The following ATRNL1 variants were observed in gnomAD, a reference collection of about 807,000 sequenced individuals.
The protein encoded by ATRNL1 is attractin-like protein 1.
A neutral mutation model predicts 182.7 loss-of-function variants in ATRNL1; 95 were observed. The ratio of observed to expected loss-of-function variants is 0.52; its 90% CI spans 0.44 to 0.62. The LOEUF (loss-of-function observed/expected upper bound fraction) is 0.62. ATRNL1 is among the 20% of genes least tolerant of loss of function. The pLI, the probability that ATRNL1 is intolerant of heterozygous loss-of-function variation, is 0.00. For missense variants in ATRNL1, 1,471 were observed against 1,679.5 expected (o/e 0.88, Z 2.17); for synonymous variants, 576 against 568.3 (o/e 1.01, Z -0.19).
At chr10:115,240,798 T>G (rs1479724590) in intron 9 of ATRNL1, among the ~76,000 whole-genome samples, 1 of 152,076 alleles carries the variant, frequency 6.6e-6, no homozygotes, top group African/African-American at 2.4e-5. Context: ...TTTATAATAT[T>G]TTCTCTCAGA....
chr10:115,882,972 T>G (rs1951860856), intron 28 of ATRNL1, among the ~76,000 whole-genome samples: 1 of 152,214 alleles, frequency 6.6e-6, no homozygotes, highest in Admixed American at 6.5e-5. Context: ...TTGCCCATGT[T>G]CTCTGCCCAT....
At chr10:115,397,433 C>T (rs2134289755) in intron 20 of ATRNL1, among the ~76,000 whole-genome samples, 1 of 152,012 alleles carries the variant, frequency 6.6e-6, no homozygotes, top group South Asian at 2.1e-4. Context: ...CTCTTCATAT[C>T]TGTTAATTTC....
At chr10:115,653,042 A>G (rs1860111594) in intron 26 of ATRNL1, among the ~76,000 whole-genome samples, 1 of 152,132 alleles carries the variant, frequency 6.6e-6, no homozygotes, top group Admixed American at 6.6e-5. Context: ...TACAACTCTT[A>G]AACTGTAAAC....
intron 28 of ATRNL1, among the ~76,000 whole-genome samples, chr10:115,879,027 GT>G (rs1201511819): frequency 2.0e-5 from 3 of 151,088 alleles, no homozygotes; most frequent in Non-Finnish European, 4.4e-5. Context: ...TGTTAAAAAG[GT>G]TTATGTATGT....
At chr10:115,891,585 C>G (rs1038271525) in intron 28 of ATRNL1, among the ~76,000 whole-genome samples, 1 of 152,172 alleles carries the variant, frequency 6.6e-6, no homozygotes, top group African/African-American at 2.4e-5. Flanking sequence ...AGTTACTCCT[C>G]TGTCCTGGAT....
chr10:115,477,695 A>G (rs1848595470), intron 24 of ATRNL1, among the ~76,000 whole-genome samples: 1 of 151,678 alleles, frequency 6.6e-6, no homozygotes, highest in South Asian at 2.1e-4. Context: ...ATCAAAAGTC[A>G]ACAAATACTC....
chr10:115,878,936 A>C (rs993575012), intron 28 of ATRNL1, among the ~76,000 whole-genome samples: 23 of 152,170 alleles, frequency 1.5e-4, no homozygotes, highest in Non-Finnish European at 3.4e-4. Context: ...AAAGATGAAA[A>C]TGTGTAGGCA....
intron 27 of ATRNL1, among the ~76,000 whole-genome samples, chr10:115,766,018 C>G (rs1301663343): frequency 6.6e-6 from 1 of 152,040 alleles, no homozygotes; most frequent in Non-Finnish European, 1.5e-5. Context: ...ATCTAACATA[C>G]TATGTATTTT....
intron 19 of ATRNL1, among the ~76,000 whole-genome samples, chr10:115,382,692 CTT>C (rs34063669): frequency 0.014 from 1,629 of 114,238 alleles, 29 homozygotes; most frequent in African/African-American, 0.045. Context: ...CTGTTCTTTG[CTT>C]TTTTTTTTTT....
chr10:115,263,996 C>T lies in ATRNL1; in HGVS notation c.1688-1197C>T, dbSNP rs375773786. On this transcript the variant is annotated intron_variant, in intron 10 of 28. Coordinates refer to ENST00000355044, the MANE Select transcript of ATRNL1 (RefSeq NM_207303.4). ...TAAAAAGACAGATTATACACTTTTT[C>T]GGGGGAGATTTGTGTTTCCTGGATT... Among the ~76,000 whole-genome samples the T allele has an allele frequency of 1.2e-4, 18 of 151,478 alleles. No homozygotes were observed. In the East Asian group the frequency reaches 1.4e-3, roughly 11 times the overall value.
chr10:115,611,350 A>G (rs574742844), intron 26 of ATRNL1, among the ~76,000 whole-genome samples: 52 of 152,228 alleles, frequency 3.4e-4, no homozygotes, highest in African/African-American at 1.2e-3. Context: ...GGTTGTTTAG[A>G]TTCTACTTCA....
Position 115,165,651 on chromosome 10 carries a change from G to A in ATRNL1, c.1092+6G>A, listed in dbSNP as rs1847005385. The A allele has an allele frequency of 6.8e-7, 1 of 1,467,430 alleles. No individual in the cohort carries two copies. Among genetic ancestry groups the A allele is most frequent in the Non-Finnish European group, 9.2e-7 (1 of 1,092,566 alleles). The allele number at this position is 1,467,430 out of a possible 1,614,324, so 90.9% of individuals were successfully genotyped here. On this transcript the variant is annotated splice_donor_region_variant and intron_variant, in intron 7 of 28. Coordinates refer to ENST00000355044, the MANE Select transcript of ATRNL1 (RefSeq NM_207303.4). ...ACTCTCTTGCTTTATATCAGGTATG[G>A]CTCCTGCTTTTTAAATTTTAATCAG...
chr10:115,807,021 T>G (rs1949935060), intron 27 of ATRNL1, among the ~76,000 whole-genome samples: 1 of 152,250 alleles, frequency 6.6e-6, no homozygotes, highest in South Asian at 2.1e-4. Flanking sequence ...TTTAAAATAT[T>G]TGCAAATTTT....
At chr10:115,580,946 G>T (rs782311994) in intron 26 of ATRNL1, among the ~76,000 whole-genome samples, 2 of 151,972 alleles carry the variant, frequency 1.3e-5, no homozygotes, top group Non-Finnish European at 2.9e-5. Context: ...GTCATGCATT[G>T]TTTCCCTGAC....
At chr10:115,751,170 C>T (rs1041647327) in intron 27 of ATRNL1, among the ~76,000 whole-genome samples, 6 of 151,908 alleles carry the variant, frequency 3.9e-5, no homozygotes, top group South Asian at 2.1e-4. Flanking sequence ...GAGGTTAGAA[C>T]GGTGTGATCA....
At chr10:115,704,357 A>G (rs1246464248) in intron 26 of ATRNL1, among the ~76,000 whole-genome samples, 2 of 151,872 alleles carry the variant, frequency 1.3e-5, no homozygotes, top group Non-Finnish European at 2.9e-5. Flanking sequence ...GTCATCTTGA[A>G]TTAGGGGGCC....
intron 21 of ATRNL1, among the ~76,000 whole-genome samples, chr10:115,431,492 C>T (rs183798445): frequency 1.3e-5 from 2 of 151,428 alleles, no homozygotes; most frequent in East Asian, 1.9e-4. Flanking sequence ...AACAAATTTT[C>T]GCTCATCAGC....
chr10:115,106,432 G>C (rs1326091028), intron 1 of ATRNL1, among the ~76,000 whole-genome samples: 2 of 152,086 alleles, frequency 1.3e-5, no homozygotes, highest in African/African-American at 4.8e-5. Flanking sequence ...GGGGACTGTT[G>C]GGAAAGCATC....
chr10:115,852,343 A>G (rs1310954402), intron 28 of ATRNL1, among the ~76,000 whole-genome samples: 1 of 152,218 alleles, frequency 6.6e-6, no homozygotes, highest in Non-Finnish European at 1.5e-5. Flanking sequence ...TAATCTAGAA[A>G]TATTACATAA....
Sources: gnomAD v4.1 joint callset for allele counts (sites outside exome capture counted in the v4.1 genomes callset) on GRCh38, gnomAD v4.1.1 for gene constraint, MANE v1.5 for transcripts, NCBI Gene and HGNC (gene_info 2026-07-23, HGNC 2026-07-21) for gene names.